The following MAST4 variants were observed in gnomAD, a reference collection of about 807,000 sequenced individuals.
MAST4 encodes the protein microtubule-associated serine/threonine-protein kinase 4.
Under a neutral mutation model 162.7 loss-of-function variants are expected in MAST4, and 89 were observed. The ratio of observed to expected loss-of-function variants is 0.55; its 90% CI spans 0.46 to 0.65. The LOEUF is 0.65. Among genes scored for constraint, MAST4 ranks in the 30% least tolerant of loss-of-function variants. The pLI is 0.00. For missense variants in MAST4, 3,153 were observed against 3,374.0 expected (o/e 0.93, Z 1.62); for synonymous variants, 1,479 against 1,361.1 (o/e 1.09, Z -1.91).
At position 67,166,703 on chromosome 5, in the gene MAST4, C is replaced by T. The variant is rs55665038; in HGVS notation, c.7524C>T (p.Ala2508=). 1.6e-5 allele frequency: 26 copies of T among 1,588,926 alleles called. No homozygotes were observed. Among genetic ancestry groups the T allele is most frequent in the Admixed American group, 7.1e-5 (4 of 56,266 alleles). Residue 2508 remains alanine (A), a synonymous_variant, in exon 29 of 29, where the codon GCC becomes GCT. Coordinates refer to ENST00000403625, the MANE Select transcript of MAST4 (RefSeq NM_001164664.2). Reference sequence around the variant, plus strand: ...GGGACCATAGGAAGGCTCAGCCTGCCGGGGAGGGCCGAACCCACATGACAA... The same window carrying T: ...GGGACCATAGGAAGGCTCAGCCTGCTGGGGAGGGCCGAACCCACATGACAA... ...SNRDHRKAQP[A]GEGRTHMTKS...
At chr5:66,637,948 C>T (rs2149430958) in intron 1 of MAST4, among the ~76,000 whole-genome samples, 2 of 152,296 alleles carry the variant, frequency 1.3e-5, no homozygotes, top group South Asian at 4.1e-4. Context: ...AGTGATCTGC[C>T]TGCCTTGGCC....
At chr5:66,612,205 T>C (rs755774361) in intron 1 of MAST4, among the ~76,000 whole-genome samples, 1 of 152,236 alleles carries the variant, frequency 6.6e-6, no homozygotes, top group Non-Finnish European at 1.5e-5. Flanking sequence ...GGCTTCTTTT[T>C]TGCAGTGTTT....
intron 16 of MAST4, 106 bp from the exon 17 acceptor site, chr5:67,133,408 C>A: frequency 1.6e-6 from 2 of 1,235,348 alleles, no homozygotes; most frequent in Non-Finnish European, 2.3e-6. Flanking sequence ...AAGCTTGATG[C>A]CCATATATTA....
chr5:67,162,994 G>A (rs1298355122), intron 28 of MAST4, among the ~76,000 whole-genome samples, 153 bp from the exon 29 acceptor site: 1 of 152,208 alleles, frequency 6.6e-6, no homozygotes, highest in Non-Finnish European at 1.5e-5. Context: ...TTGGCCTGGA[G>A]AGGTTTATCT....
intron 1 of MAST4, among the ~76,000 whole-genome samples, chr5:66,745,099 A>T (rs1242795880): frequency 6.6e-6 from 1 of 152,218 alleles, no homozygotes; most frequent in Non-Finnish European, 1.5e-5. Context: ...TGTGAGTAGG[A>T]TATAATTATC....
chr5:67,140,266 C>T, intron 19 of MAST4, among the ~76,000 whole-genome samples: 1 of 152,244 alleles, frequency 6.6e-6, no homozygotes, highest in Non-Finnish European at 1.5e-5. Context: ...TGCTGACGAC[C>T]TCCATGTTGG....
rs765063526 is a variant in MAST4 at position 66,643,828 on chromosome 5, TTTCTGA to T, written c.363+46815_363+46820del. 1.4e-3 allele frequency among the ~76,000 whole-genome samples: 217 copies of T among 152,056 alleles called. 1 individual carries two copies. Among genetic ancestry groups the T allele is most frequent in the Non-Finnish European group, 1.3e-3 (90 of 67,934 alleles). ...TTGCATTCCTAAATTGTTGCTGATG[TTTCTGA>T]TTCTAAGGGATTTATTGAGCAGGAA... is the stretch of plus-strand genomic sequence containing the variant. On this transcript the variant is annotated intron_variant, in intron 1 of 28. Transcript: ENST00000403625.
chr5:66,844,516 T>C (rs1283409747), intron 3 of MAST4, among the ~76,000 whole-genome samples: 1 of 152,116 alleles, frequency 6.6e-6, no homozygotes, highest in African/African-American at 2.4e-5. Context: ...ACCAGTCTTA[T>C]GGGAACATTC....
Position 67,089,508 on chromosome 5 carries a change from G to A in MAST4, c.764-654G>A, listed in dbSNP as rs529256481. On this transcript the variant is annotated intron_variant, in intron 5 of 28. Coordinates refer to ENST00000403625, the MANE Select transcript of MAST4 (RefSeq NM_001164664.2). ...TGGCCAGTCACAGTCCAGCTGCTTAGGAGCAGAGGGATTGTTGAGGAAAAT... is the reference window on the plus strand; with the variant it reads ...TGGCCAGTCACAGTCCAGCTGCTTAAGAGCAGAGGGATTGTTGAGGAAAAT... Among the ~76,000 whole-genome samples the A allele has an allele frequency of 2.0e-5, 3 of 152,196 alleles. No homozygotes were observed. The South Asian group carries it at 6.2e-4, about 32-fold the overall frequency.
At chr5:66,784,098 T>G (rs963727107) in intron 2 of MAST4, among the ~76,000 whole-genome samples, 9 of 152,008 alleles carry the variant, frequency 5.9e-5, no homozygotes, top group Non-Finnish European at 1.2e-4. Flanking sequence ...TTTGCTCCCA[T>G]TCCCCATCAA....
At chr5:66,717,822 C>G (rs1167627297) in intron 1 of MAST4, among the ~76,000 whole-genome samples, 1 of 152,172 alleles carries the variant, frequency 6.6e-6, no homozygotes, top group Non-Finnish European at 1.5e-5. Flanking sequence ...TTATCTCTTC[C>G]TGGTATCATT....
At chr5:66,953,890 C>A (rs1256736594) in intron 4 of MAST4, among the ~76,000 whole-genome samples, 1 of 152,176 alleles carries the variant, frequency 6.6e-6, no homozygotes, top group Non-Finnish European at 1.5e-5. Flanking sequence ...ATAGCAGCAA[C>A]CCCCTTATTC....
intron 4 of MAST4, among the ~76,000 whole-genome samples, chr5:67,039,404 A>T (rs985888265): frequency 6.6e-6 from 1 of 152,198 alleles, no homozygotes; most frequent in African/African-American, 2.4e-5. Flanking sequence ...AGCTTTCATA[A>T]GCAGGAATCC....
At chr5:66,801,759 C>T (rs1359132659) in intron 3 of MAST4, among the ~76,000 whole-genome samples, 1 of 152,184 alleles carries the variant, frequency 6.6e-6, no homozygotes, top group Non-Finnish European at 1.5e-5. Context: ...CAAGTGTTGA[C>T]AGCTATTGTG....
chr5:66,887,625 G>A (rs190655916), intron 3 of MAST4, among the ~76,000 whole-genome samples: 16 of 152,294 alleles, frequency 1.1e-4, no homozygotes, highest in Admixed American at 7.2e-4. Flanking sequence ...TGGGCAAATC[G>A]TGACATAACT....
At chr5:66,971,176 T>C (rs1419916824) in intron 4 of MAST4, among the ~76,000 whole-genome samples, 1 of 152,228 alleles carries the variant, frequency 6.6e-6, no homozygotes, top group Non-Finnish European at 1.5e-5. Context: ...GTTCCCTAGA[T>C]GTTTTAGTCC....
chr5:66,862,052 A>G (rs1036450549), intron 3 of MAST4, among the ~76,000 whole-genome samples: 34 of 152,314 alleles, frequency 2.2e-4, no homozygotes, highest in African/African-American at 8.2e-4. Flanking sequence ...GACCCTGGCC[A>G]TTCTGTTCAT....
In MAST4 at chr5:67,163,086, A is replaced by G. The variant is rs2151123048; in HGVS notation, c.3968-61A>G. The G allele has an allele frequency of 6.5e-7, 1 of 1,533,372 alleles. No homozygotes were observed. Among genetic ancestry groups the G allele is most frequent in the African/African-American group, 1.4e-5 (1 of 73,406 alleles). The allele number at this position is 1,533,372 out of a possible 1,614,324, so 95.0% of individuals were successfully genotyped here. On this transcript the variant is annotated intron_variant, in intron 28 of 28. Transcript: ENST00000403625. The surrounding 1 kb of genome is among the most constrained non-coding windows in gnomAD (Gnocchi z 7.0). ...CTTACCTAATACAGTCTGGGCTACA[A>G]CTGTGAAAAAAAGGGGAAAATGACC...
intron 1 of MAST4, among the ~76,000 whole-genome samples, chr5:66,651,163 C>G (rs1372675561): frequency 6.6e-6 from 1 of 151,906 alleles, no homozygotes; most frequent in Admixed American, 6.6e-5. Context: ...GTTCTGTTAG[C>G]AGATTTGATT....
Sources: allele counts gnomAD v4.1 joint callset (sites outside exome capture counted in the v4.1 genomes callset), GRCh38; gene constraint gnomAD v4.1.1; non-coding constraint Gnocchi (gnomAD v3.1); transcripts MANE v1.5; gene names NCBI Gene and HGNC (gene_info 2026-07-23, HGNC 2026-07-21).